Variants in C16orf46 observed in about 807,000 individuals in gnomAD.
The protein encoded by C16orf46 is chromosome 16 open reading frame 46.
Under a neutral mutation model 5.5 loss-of-function variants are expected in C16orf46, and 7 were observed. The ratio of observed to expected loss-of-function variants is 1.28; its 90% CI spans 0.73 to 2.40. The LOEUF is 2.40. C16orf46 is among the 30% of genes most tolerant of loss of function. The pLI, the probability that C16orf46 is intolerant of heterozygous loss-of-function variation, is 0.00. For synonymous variants in C16orf46, 200 were observed against 184.1 expected (o/e 1.09, Z -0.70); for missense variants, 614 against 476.0 (o/e 1.29, Z -2.70).
At chr16:81,059,973 A>G (rs1227676295), downstream of C16orf46, among the ~76,000 whole-genome samples, 2 of 151,768 alleles carry the variant, frequency 1.3e-5, no homozygotes, top group African/African-American at 4.8e-5. Flanking sequence ...TATTTTTAGT[A>G]GAGATAGGGT....
exon 4 of C16orf46, chr16:81,053,888 T>C (rs1262573702): frequency 3.4e-6 from 2 of 586,852 alleles, no homozygotes; most frequent in Non-Finnish European, 3.0e-6. Flanking sequence ...CCGATGACCA[T>C]GGCAGGTGTA....
At chr16:81,071,669 C>T (rs931125321) in intron 1 of C16orf46, among the ~76,000 whole-genome samples, 3 of 151,842 alleles carry the variant, frequency 2.0e-5, no homozygotes, top group Non-Finnish European at 4.4e-5. Flanking sequence ...CCCATGGGCC[C>T]CGGAGGGAGA....
rs911277236 is a variant in C16orf46 at position 81,063,331 on chromosome 16, C to T, written c.210+415G>A. Reference sequence around the variant, plus strand: ...CTCAGTTCTCTCAGGGAGTTCAGCACAGCTGCTAAGGAGCTCAGGGTTCTA... The same window carrying T: ...CTCAGTTCTCTCAGGGAGTTCAGCATAGCTGCTAAGGAGCTCAGGGTTCTA... On this transcript the variant is annotated intron_variant, in intron 3 of 3. Transcript: ENST00000299578. Among the ~76,000 whole-genome samples, 4 of 151,322 alleles carry T rather than the reference C, an allele frequency of 2.6e-5. No individual in the cohort carries two copies. The East Asian group carries it at 7.8e-4, about 29-fold the overall frequency.
chr16:81,058,873 C>T (rs1436656720), downstream of C16orf46, among the ~76,000 whole-genome samples: 1 of 152,224 alleles, frequency 6.6e-6, no homozygotes, highest in East Asian at 1.9e-4. Flanking sequence ...CAAACGTCCC[C>T]GACCTGTGAA....
intron 1 of C16orf46, among the ~76,000 whole-genome samples, chr16:81,068,997 C>A (rs1567578300): frequency 6.6e-6 from 1 of 152,162 alleles, no homozygotes; most frequent in Non-Finnish European, 1.5e-5. Context: ...AGCCACCGTG[C>A]CTGGCCCTTC....
downstream of C16orf46, among the ~76,000 whole-genome samples, chr16:81,060,024 A>G (rs954946412): frequency 7.2e-5 from 11 of 151,842 alleles, no homozygotes; most frequent in Non-Finnish European, 1.3e-4. Flanking sequence ...TCCTGACCTC[A>G]TGATCCGCCC....
intron 1 of C16orf46, among the ~76,000 whole-genome samples, 151 bp from the exon 2 acceptor site, chr16:81,066,432 C>T (rs1418211705): frequency 6.6e-5 from 10 of 152,044 alleles, no homozygotes; most frequent in Admixed American, 3.3e-4. Flanking sequence ...CTCTGCCTCC[C>T]GGGTTCAAGC....
At chr16:81,054,064 C>G in exon 4 of C16orf46, 1 of 1,611,414 alleles carries the variant, frequency 6.2e-7, no homozygotes, top group Non-Finnish European at 8.5e-7. Context: ...TGAAACTGAT[C>G]CCTCTCCTAC....
downstream of C16orf46, among the ~76,000 whole-genome samples, chr16:81,058,239 T>C (rs959120806): frequency 1.3e-5 from 2 of 152,206 alleles, no homozygotes; most frequent in African/African-American, 4.8e-5. Flanking sequence ...ATATACATCC[T>C]GATGGTTCTC....
At chr16:81,054,159 A>T in intron 3 of C16orf46, 2 of 1,452,968 alleles carry the variant, frequency 1.4e-6, no homozygotes. Context: ...AATGTGGCAG[A>T]AGTCAATGCA....
At chr16:81,055,884 A>AT (rs1211726290) in intron 3 of C16orf46, 1 of 152,008 alleles carries the variant, frequency 6.6e-6, no homozygotes, top group Non-Finnish European at 1.5e-5. Context: ...TAACTGGCTA[A>AT]TTTTTGTATT....
At chr16:81,058,468 T>C (rs1046303974), downstream of C16orf46, among the ~76,000 whole-genome samples, 10 of 152,144 alleles carry the variant, frequency 6.6e-5, no homozygotes, top group African/African-American at 9.7e-5. Context: ...ACAGTGGAAA[T>C]ACAGGCAAAA....
intron 3 of C16orf46, among the ~76,000 whole-genome samples, chr16:81,054,394 ATTAT>A (rs1462020723): frequency 6.6e-6 from 1 of 152,188 alleles, no homozygotes; most frequent in East Asian, 1.9e-4. Context: ...TGCTTTAGGA[ATTAT>A]TTACTCTATA....
chr16:81,072,271 A>C (rs952058066), intron 1 of C16orf46: 2 of 151,474 alleles, frequency 1.3e-5, no homozygotes, highest in Non-Finnish European at 2.9e-5. Context: ...CTGAGATTAC[A>C]AGGCCAGGTG....
chr16:81,072,759 T>C (rs1395948385), intron 1 of C16orf46, among the ~76,000 whole-genome samples: 4 of 152,126 alleles, frequency 2.6e-5, no homozygotes, highest in Non-Finnish European at 4.4e-5. Flanking sequence ...TGGAGTGCAA[T>C]TGCATGATCT....
chr16:81,059,552 A>T (rs2911160), downstream of C16orf46, among the ~76,000 whole-genome samples: 146,551 of 152,250 alleles, frequency 0.96, 70,767 homozygotes, highest in Middle Eastern at 1. Flanking sequence ...TGTGTCTACA[A>T]AGCAACATCA....
At chr16:81,063,563 C>T (rs1416908014) in intron 3 of C16orf46, among the ~76,000 whole-genome samples, 183 bp downstream of exon 3, 1 of 152,174 alleles carries the variant, frequency 6.6e-6, no homozygotes, top group Non-Finnish European at 1.5e-5. Flanking sequence ...TACTAAGTGG[C>T]CATAAATACC....
intron 2 of C16orf46, among the ~76,000 whole-genome samples, chr16:81,065,638 C>G (rs1180766570): frequency 1.3e-5 from 2 of 152,108 alleles, no homozygotes; most frequent in African/African-American, 2.4e-5. Context: ...CAAGAAGTTC[C>G]TTGCTTGTGA....
rs201809453 is a variant in C16orf46, at chr16:81,061,473, G to A, written c.876C>T (p.Thr292=). 2.3e-5 allele frequency: 37 copies of A among 1,614,150 alleles called. No homozygotes were observed. Among genetic ancestry groups the A allele is most frequent in the East Asian group, 2.0e-4 (9 of 44,874 alleles). ...PSPAAQISLL[T]DPEQRCLHWS... ...AATGCAGGCAGCGCTGCTCCGGATCGGTCAGCAGGGATATCTGGGCCGCTG... is the reference window on the plus strand; with the variant it reads ...AATGCAGGCAGCGCTGCTCCGGATCAGTCAGCAGGGATATCTGGGCCGCTG... Residue 292 remains threonine (T), a synonymous_variant, in exon 4 of 4, where the codon ACC becomes ACT. Coordinates refer to ENST00000299578, the MANE Select transcript of C16orf46 (RefSeq NM_152337.3).
Sources: gnomAD v4.1 joint callset for allele counts (sites outside exome capture counted in the v4.1 genomes callset) on GRCh38, gnomAD v4.1.1 for gene constraint, MANE v1.5 for transcripts, NCBI Gene and HGNC (gene_info 2026-07-23, HGNC 2026-07-21) for gene names.